Variants in PCLO observed in about 807,000 individuals in gnomAD.
PCLO encodes the protein piccolo presynaptic cytomatrix protein.
A neutral mutation model predicts 427.5 loss-of-function variants in PCLO; 82 were observed. That is an observed-to-expected ratio of 0.19 (90% CI 0.16 to 0.23). PCLO has a LOEUF of 0.23. PCLO is among the 10% of genes least tolerant of loss of function. The pLI is 1.00. For missense variants in PCLO, 6,239 were observed against 6,115.9 expected (o/e 1.02, Z -0.67); for synonymous variants, 2,357 against 2,155.4 (o/e 1.09, Z -2.59).
chr7:82,771,304 T>G (rs1790642741), intron 22 of PCLO, among the ~76,000 whole-genome samples: 1 of 151,836 alleles, frequency 6.6e-6, no homozygotes, highest in African/African-American at 2.4e-5. Flanking sequence ...GATTAAAGAG[T>G]TATAAAGAGA....
intron 3 of PCLO, among the ~76,000 whole-genome samples, chr7:82,967,376 T>A (rs1010075360): frequency 4.6e-5 from 7 of 152,016 alleles, no homozygotes; most frequent in Non-Finnish European, 8.8e-5. Context: ...GGTTTCTCCA[T>A]GTTGGTCAGG....
intron 7 of PCLO, among the ~76,000 whole-genome samples, chr7:82,909,802 AT>A (rs1193610713): frequency 2.0e-5 from 3 of 152,172 alleles, no homozygotes; most frequent in African/African-American, 4.8e-5. Flanking sequence ...TAAAATGATT[AT>A]TTTTTTAAGA....
Position 82,916,790 on chromosome 7 carries a change from A to G in PCLO, c.11196T>C (p.Ile3732=), listed in dbSNP as rs1289071207. 2 of 1,613,368 alleles carry G rather than the reference A, an allele frequency of 1.2e-6. No individual in the cohort carries two copies. Among genetic ancestry groups the G allele is most frequent in the East Asian group, 2.2e-5 (1 of 44,850 alleles). ...TGAATGTGGATTGAGTTCCTGTGGA[A>G]ATCTCCTCAGGAGGTGGATTTGGCA... ...RTLPNPPPEE[I]STGTQSTFST... The change falls in exon 7 of 25, where the codon ATT becomes ATC. Residue 3732 remains isoleucine (I), a synonymous_variant. Coordinates refer to ENST00000333891, the MANE Select transcript of PCLO (RefSeq NM_033026.6).
intron 16 of PCLO, among the ~76,000 whole-genome samples, chr7:82,831,250 G>A (rs1018845199): frequency 6.6e-6 from 1 of 151,966 alleles, no homozygotes; most frequent in Non-Finnish European, 1.5e-5. Flanking sequence ...TTATTAACTG[G>A]ACCAGGATCC....
chr7:83,136,378 A>AT (rs756739236), intron 2 of PCLO, among the ~76,000 whole-genome samples: 4 of 152,138 alleles, frequency 2.6e-5, no homozygotes, highest in Non-Finnish European at 5.9e-5. Context: ...AACATGTTAG[A>AT]TATCATAAAT....
Position 83,134,395 on chromosome 7 carries a change from G to A in PCLO, c.3155C>T (p.Ser1052Leu), listed in dbSNP as rs762919030. The A allele has an allele frequency of 1.2e-5, 19 of 1,613,742 alleles. No homozygotes were observed. In the East Asian group the frequency reaches 1.6e-4, roughly 13 times the overall value. Residue 1052 changes from serine (S) to leucine (L), a missense_variant, in exon 3 of 25, where the codon TCG becomes TTG. Transcript: ENST00000333891. ...KAVLPTKLEK[S>L]PKPESTCPLC... The stretch of plus-strand genomic sequence containing the variant: ...AGGACAGGTTGATTCTGGTTTGGGC[G>A]ATTTCTCCAGTTTTGTGGGAAGGAC...
chr7:83,091,989 A>G (rs1164896785), intron 3 of PCLO, among the ~76,000 whole-genome samples: 3 of 151,958 alleles, frequency 2.0e-5, no homozygotes, highest in Admixed American at 2.0e-4. Flanking sequence ...TTTTTTTTTC[A>G]CTGGTTCATT....
At position 82,998,567 on chromosome 7, in the gene PCLO, A is replaced by G. The variant is rs192476932; in HGVS notation, c.3301-32080T>C. On this transcript the variant is annotated intron_variant, in intron 3 of 24. Coordinates refer to ENST00000333891, the MANE Select transcript of PCLO (RefSeq NM_033026.6). Reference sequence around the variant, plus strand: ...AAAATACCTAACTCCAGGCCTCTCTAGATATCCTGTCCCATATAAAGGAGA... The same window carrying G: ...AAAATACCTAACTCCAGGCCTCTCTGGATATCCTGTCCCATATAAAGGAGA... Among the ~76,000 whole-genome samples the G allele has an allele frequency of 1.8e-4, 28 of 152,020 alleles. No individual in the cohort carries two copies. The East Asian group carries it at 5.1e-3, about 27-fold the overall frequency.
intron 2 of PCLO, among the ~76,000 whole-genome samples, chr7:83,138,344 A>C (rs536173445): frequency 6.6e-6 from 1 of 152,170 alleles, no homozygotes; most frequent in Non-Finnish European, 1.5e-5. Flanking sequence ...ACCTTCTATA[A>C]GGCAAATACC....
chr7:83,047,457 A>G (rs1225622510), intron 3 of PCLO, among the ~76,000 whole-genome samples: 1 of 152,066 alleles, frequency 6.6e-6, no homozygotes, highest in African/African-American at 2.4e-5. Context: ...GTAAATATTC[A>G]TTGAAGATAC....
intron 10 of PCLO, among the ~76,000 whole-genome samples, chr7:82,869,687 A>G (rs1411824936): frequency 6.6e-6 from 1 of 152,022 alleles, no homozygotes; most frequent in African/African-American, 2.4e-5. Context: ...GCCTTTTAAA[A>G]CTTAATATAT....
intron 6 of PCLO, among the ~76,000 whole-genome samples, chr7:82,924,701 T>G (rs1584162244): frequency 6.6e-6 from 1 of 152,056 alleles, no homozygotes; most frequent in East Asian, 1.9e-4. Flanking sequence ...AGAAAGTAAT[T>G]ATTTAGTTTG....
At chr7:83,086,593 A>T (rs1360393362) in intron 3 of PCLO, among the ~76,000 whole-genome samples, 1 of 152,210 alleles carries the variant, frequency 6.6e-6, no homozygotes, top group Non-Finnish European at 1.5e-5. Context: ...GAGAACGATT[A>T]TCATGAGTAC....
chr7:82,821,140 C>T, intron 20 of PCLO: 5 of 1,019,354 alleles, frequency 4.9e-6, no homozygotes, highest in South Asian at 4.6e-5. Context: ...GTCCATCAGA[C>T]ATCACCTTCC....
intron 8 of PCLO, among the ~76,000 whole-genome samples, 196 bp downstream of exon 8, chr7:82,908,681 A>G (rs1390125193): frequency 6.6e-6 from 1 of 152,136 alleles, no homozygotes; most frequent in Non-Finnish European, 1.5e-5. Flanking sequence ...TGGTAGAAGT[A>G]TCACAGCTAT....
intron 2 of PCLO, among the ~76,000 whole-genome samples, chr7:83,138,281 T>A (rs1022971631): frequency 2.6e-5 from 4 of 152,216 alleles, no homozygotes; most frequent in Non-Finnish European, 5.9e-5. Context: ...ACAAGCGTCA[T>A]AACCAAAGTA....
At chr7:82,891,307 C>T (rs1221318462) in intron 9 of PCLO, among the ~76,000 whole-genome samples, 3 of 152,042 alleles carry the variant, frequency 2.0e-5, no homozygotes, top group Admixed American at 6.6e-5. Context: ...AACTTTACCA[C>T]TGAGTAGCAA....
chr7:82,891,590 C>G (rs1004453750), intron 9 of PCLO, among the ~76,000 whole-genome samples: 6 of 152,076 alleles, frequency 3.9e-5, no homozygotes, highest in African/African-American at 1.2e-4. Flanking sequence ...GGAGTGGTGA[C>G]AGAGGGCATC....
chr7:83,020,646 A>T (rs190042659), intron 3 of PCLO, among the ~76,000 whole-genome samples: 142 of 152,250 alleles, frequency 9.3e-4, no homozygotes, highest in African/African-American at 3.2e-3. Context: ...CTCCTGACCT[A>T]TAAGAATAAA....
Sources: gnomAD v4.1 joint callset for allele counts (sites outside exome capture counted in the v4.1 genomes callset) on GRCh38, gnomAD v4.1.1 for gene constraint, MANE v1.5 for transcripts, NCBI Gene and HGNC (gene_info 2026-07-23, HGNC 2026-07-21) for gene names.